Variants in VPS53 observed in about 807,000 individuals in gnomAD.
The protein encoded by VPS53 is VPS53 subunit of GARP complex.
In VPS53, 70 loss-of-function variants were observed where a neutral mutation model predicts 107.0. The observed-to-expected ratio is 0.65, with a 90% CI of 0.54 to 0.80. The LOEUF (loss-of-function observed/expected upper bound fraction) is 0.80, where lower values mean the gene tolerates loss of function less well. Among genes scored for constraint, VPS53 ranks in the 30% least tolerant of loss-of-function variants. The pLI is 0.00. For missense variants in VPS53, 917 were observed against 1,049.4 expected, an observed-to-expected ratio of 0.87 and a Z score of 1.74; for synonymous variants, 409 against 393.3, an observed-to-expected ratio of 1.04 and a Z score of -0.47.
chr17:590,565 T>A (rs1283378213), intron 12 of VPS53, among the ~76,000 whole-genome samples: 1 of 152,150 alleles, frequency 6.6e-6, no homozygotes, highest in Non-Finnish European at 1.5e-5. Context: ...AATACCTAAT[T>A]TATTGAGAGT....
chr17:546,370 C>T (rs1911197129), intron 17 of VPS53, among the ~76,000 whole-genome samples: 1 of 142,542 alleles, frequency 7.0e-6, no homozygotes, highest in Admixed American at 7.2e-5. Flanking sequence ...CACACACACA[C>T]ACACACGATA....
At chr17:569,342 G>A (rs75962876) in intron 13 of VPS53, among the ~76,000 whole-genome samples, 1 of 152,204 alleles carries the variant, frequency 6.6e-6, no homozygotes, top group Non-Finnish European at 1.5e-5. Context: ...ATGTTAACTT[G>A]CCAGTTTTGA....
At chr17:640,189 C>T (rs1250019648) in intron 7 of VPS53, among the ~76,000 whole-genome samples, 5 of 152,180 alleles carry the variant, frequency 3.3e-5, no homozygotes, top group Non-Finnish European at 5.9e-5. Flanking sequence ...GGGTGTGGGA[C>T]CCGCCGAGCC....
chr17:710,536 C>T lies in VPS53; in HGVS notation c.165G>A (p.Glu55=), dbSNP rs377420718. ...GGAAACCTGAAACTCTACTTACTTG[C>T]TCGGTTGGGAACAGGGTATTGATAT... ...VEYINTLFPT[E]QSLANIDEVV... Residue 55 remains glutamate, a synonymous_variant, in exon 2 of 22, where the codon GAG becomes GAA. Transcript: ENST00000437048. 5.6e-6 allele frequency: 9 copies of T among 1,613,174 alleles called. No individual in the cohort carries two copies. The highest frequency in any genetic ancestry group is 7.6e-6 in the Non-Finnish European group (9 of 1,179,482).
chr17:544,009 G>C (rs1910961596), intron 17 of VPS53, among the ~76,000 whole-genome samples: 2 of 122,094 alleles, frequency 1.6e-5, no homozygotes, highest in Non-Finnish European at 3.3e-5. Flanking sequence ...GAGGGAGGGA[G>C]GGAGTGAGGA....
At chr17:667,580 C>G (rs919504668) in intron 4 of VPS53, among the ~76,000 whole-genome samples, 1 of 92,870 alleles carries the variant, frequency 1.1e-5, no homozygotes, top group Admixed American at 1.9e-4. Context: ...CAGAAGAGGA[C>G]TGTTTTAAAC....
intron 4 of VPS53, among the ~76,000 whole-genome samples, chr17:667,663 G>A (rs1046642771): frequency 5.1e-5 from 7 of 138,324 alleles, no homozygotes; most frequent in Non-Finnish European, 7.9e-5. Context: ...TCTGGGGGGG[G>A]GGGCAATGGG....
Position 560,452 on chromosome 17 carries a change from C to A in VPS53, c.1678G>T (p.Glu560Ter). 3 of 1,612,556 alleles carry A rather than the reference C, an allele frequency of 1.9e-6. No individual in the cohort carries two copies. Among genetic ancestry groups the A allele is most frequent in the Non-Finnish European group, 2.5e-6 (3 of 1,179,956 alleles). Residue 560 changes from glutamate to a stop codon, truncating the protein, a stop_gained, in exon 15 of 22, where the codon GAG becomes TAG. Transcript: ENST00000437048. LOFTEE classifies it high-confidence loss of function. ...TGCTGGGTGGTGGCCAGACAGTACT[C>A]TGCCGTGCTCAGGATGTTACAGATG... Reference protein sequence around the residue: ...CLICNILSTAEYCLATTQQLE... With the variant: ...CLICNILSTA
At chr17:624,431 A>C (rs4968058) in intron 10 of VPS53, among the ~76,000 whole-genome samples, 36,058 of 152,086 alleles carry the variant, frequency 0.24, 4,487 homozygotes, top group Admixed American at 0.33. Flanking sequence ...GCTCCTGTGC[A>C]GCTCTCACTC....
At chr17:662,031 TG>T in intron 4 of VPS53, 136 bp from the exon 5 acceptor site, 1 of 759,264 alleles carries the variant, frequency 1.3e-6, no homozygotes, top group Non-Finnish European at 2.1e-6. Flanking sequence ...ACAATTTTTC[TG>T]GACCAAAATA....
At chr17:684,645 A>G (rs1365464040) in intron 4 of VPS53, among the ~76,000 whole-genome samples, 1 of 152,188 alleles carries the variant, frequency 6.6e-6, no homozygotes, top group Non-Finnish European at 1.5e-5. Flanking sequence ...TATAGACTCA[A>G]CGCAATCCCA....
intron 17 of VPS53, among the ~76,000 whole-genome samples, chr17:549,933 C>T (rs1174887796): frequency 2.0e-5 from 3 of 152,208 alleles, no homozygotes; most frequent in East Asian, 3.8e-4. Context: ...CTAAAGCCTA[C>T]ATTTTGGTTT....
At chr17:561,982 G>C (rs572342388) in intron 14 of VPS53, among the ~76,000 whole-genome samples, 2 of 152,262 alleles carry the variant, frequency 1.3e-5, no homozygotes, top group Admixed American at 1.3e-4. Context: ...CTATGCAGTA[G>C]CTGACCCCCA....
rs1308177595 is a variant in VPS53, at chr17:520,623, C to T, written c.2224-693G>A. 2.0e-5 allele frequency among the ~76,000 whole-genome samples: 3 copies of T among 152,156 alleles called. No individual in the cohort carries two copies. Among genetic ancestry groups the T allele is most frequent in the East Asian group, 1.9e-4 (1 of 5,204 alleles). ...CAGTATCTGATTTTCTTTCCCCAGC[C>T]GACTGATTTGTTTTGAATTCCTGAG... On this transcript the variant is annotated intron_variant, in intron 20 of 21. Coordinates refer to ENST00000437048, the MANE Select transcript of VPS53 (RefSeq NM_001128159.3). This position sits in a 1 kb window ranked among gnomAD's most constrained non-coding sequence, Gnocchi z 4.4.
chr17:639,001 C>T (rs958446776), intron 7 of VPS53, among the ~76,000 whole-genome samples: 23 of 152,214 alleles, frequency 1.5e-4, no homozygotes, highest in African/African-American at 5.6e-4. Context: ...GAATAATATC[C>T]TGCAGAGTGT....
intron 1 of VPS53, among the ~76,000 whole-genome samples, chr17:711,606 A>C (rs1240890076): frequency 6.6e-6 from 1 of 152,170 alleles, no homozygotes; most frequent in Non-Finnish European, 1.5e-5. Flanking sequence ...AGGATACAAG[A>C]GATACAAACT....
intron 10 of VPS53, among the ~76,000 whole-genome samples, chr17:626,033 G>A (rs892102422): frequency 6.6e-6 from 1 of 152,010 alleles, no homozygotes; most frequent in Non-Finnish European, 1.5e-5. Context: ...CAAAACTCTT[G>A]TCTCTACAAA....
At chr17:585,512 T>G (rs1902104702) in intron 13 of VPS53, among the ~76,000 whole-genome samples, 1 of 152,030 alleles carries the variant, frequency 6.6e-6, no homozygotes, top group African/African-American at 2.4e-5. Flanking sequence ...GAGGGTGGCA[T>G]GTGCCTGTGG....
intron 11 of VPS53, among the ~76,000 whole-genome samples, chr17:607,899 C>T (rs1273528701): frequency 1.3e-5 from 2 of 152,114 alleles, no homozygotes; most frequent in African/African-American, 4.8e-5. Flanking sequence ...CTTCAGTCAG[C>T]AGTACATCCG....
Sources: gnomAD v4.1 joint callset for allele counts (sites outside exome capture counted in the v4.1 genomes callset) on GRCh38, gnomAD v4.1.1 for gene constraint, Gnocchi (gnomAD v3.1) non-coding constraint, MANE v1.5 for transcripts, NCBI Gene and HGNC (gene_info 2026-07-23, HGNC 2026-07-21) for gene names.